The following MDN1 variants were observed in gnomAD, a reference collection of about 807,000 sequenced individuals.
MDN1 encodes the protein midasin.
In MDN1, 266 loss-of-function variants were observed where a neutral mutation model predicts 669.2. That is an observed-to-expected ratio of 0.40 (90% confidence interval 0.36 to 0.44). The LOEUF (loss-of-function observed/expected upper bound fraction) is 0.44. Among genes scored for constraint, MDN1 ranks in the 20% least tolerant of loss-of-function variants. MDN1 has a pLI of 1.00. For synonymous variants in MDN1, 2,385 were observed against 2,457.1 expected, an observed-to-expected ratio of 0.97 and a Z score of 0.87; for missense variants, 5,940 against 6,754.0, an observed-to-expected ratio of 0.88 and a Z score of 4.22.
At position 89,758,900 on chromosome 6, in the gene MDN1, C is replaced by G; in HGVS notation, c.2521G>C (p.Ala841Pro). 1 of 1,613,970 alleles carries G rather than the reference C, an allele frequency of 6.2e-7. No individual in the cohort carries two copies. The highest frequency in any genetic ancestry group is 8.5e-7 in the Non-Finnish European group (1 of 1,179,858). ...EWILLDEINL[A>P]APEILECLSG... ...AGACATTCTAGTATTTCTGGAGCAG[C>G]CAAGTTAATCTCATCCAACAAGATC... is the stretch of plus-strand genomic sequence containing the variant. Residue 841 changes from alanine (A) to proline (P), a missense_variant, in exon 18 of 102, where the codon GCT (alanine) becomes CCT (proline). Physicochemically the swap from Ala to Pro is conservative, Grantham distance 27 (BLOSUM62 -1). Coordinates refer to ENST00000369393, the MANE Select transcript of MDN1 (RefSeq NM_014611.3).
chr6:89,780,128 T>A (rs989027814), intron 11 of MDN1, 84 bp downstream of exon 11: 2 of 717,198 alleles, frequency 2.8e-6, no homozygotes, highest in Non-Finnish European at 4.5e-6. Context: ...AAAAGTCTGA[T>A]GGCAATCAAA....
intron 9 of MDN1, among the ~76,000 whole-genome samples, chr6:89,783,459 G>A (rs962315112): frequency 6.6e-5 from 10 of 152,112 alleles, no homozygotes; most frequent in East Asian, 1.9e-4. Flanking sequence ...AAGACAATAC[G>A]TGCACCGCTG....
At chr6:89,788,855 G>A (rs530536320) in intron 7 of MDN1, among the ~76,000 whole-genome samples, 38 of 152,320 alleles carry the variant, frequency 2.5e-4, no homozygotes, top group African/African-American at 9.1e-4. Flanking sequence ...GCCGGGCGCG[G>A]TGGCTCACGC....
intron 37 of MDN1, among the ~76,000 whole-genome samples, chr6:89,726,625 G>A (rs551364514): frequency 2.0e-4 from 30 of 152,200 alleles, no homozygotes; most frequent in African/African-American, 7.2e-4. Flanking sequence ...AGGATATAAA[G>A]TGAGTTAATA....
At chr6:89,648,786 C>A (rs1808651549) in intron 97 of MDN1, among the ~76,000 whole-genome samples, 2 of 125,240 alleles carry the variant, frequency 1.6e-5, no homozygotes, top group Admixed American at 9.4e-5. Context: ...ACCTGGGCAA[C>A]AGAGTGAAAC....
intron 26 of MDN1, among the ~76,000 whole-genome samples, chr6:89,747,723 C>G (rs1816719620): frequency 6.7e-6 from 1 of 150,200 alleles, no homozygotes; most frequent in African/African-American, 2.5e-5. Context: ...AACCCCGTCT[C>G]TACTAAAAAT....
At position 89,701,869 on chromosome 6, in the gene MDN1, A is replaced by T. The variant is rs190527421; in HGVS notation, c.8306+35T>A. On this transcript the variant is annotated intron_variant, in intron 54 of 101. Transcript: ENST00000369393. ...ATCTTATCCTTAACATCTATCTGTA[A>T]TCATTGACATTATTACTCTAAATAT... 1.4e-5 allele frequency: 23 copies of T among 1,590,572 alleles called. No individual in the cohort carries two copies. In the Admixed American group the frequency reaches 4.2e-4, roughly 29 times the overall value.
Position 89,740,367 on chromosome 6 carries a change from A to G in MDN1, c.4460T>C (p.Val1487Ala). The G allele has an allele frequency of 6.3e-7, 1 of 1,576,644 alleles. No homozygotes were observed. The highest frequency in any genetic ancestry group is 8.5e-7 in the Non-Finnish European group (1 of 1,169,690). Reference sequence around the variant, plus strand: ...TTCAGCTAATACCAGAGACTTTTCTACTTCAAGGACACTAAAAGAAAAATT... The same window carrying G: ...TTCAGCTAATACCAGAGACTTTTCTGCTTCAAGGACACTAAAAGAAAAATT... ...VLERLNSVLE[V>A]EKSLVLAEKG... The change falls in exon 32 of 102, where the codon GTA (valine) becomes GCA (alanine). Residue 1487 changes from valine (V) to alanine (A), a missense_variant. By Grantham distance (64) the Val-to-Ala change is moderately conservative (BLOSUM62 0). Coordinates refer to ENST00000369393, the MANE Select transcript of MDN1 (RefSeq NM_014611.3).
In MDN1 at chr6:89,693,525, C is replaced by G. The variant is rs561106589; in HGVS notation, c.9882-377G>C. On this transcript the variant is annotated intron_variant, in intron 62 of 101. Coordinates refer to ENST00000369393, the MANE Select transcript of MDN1 (RefSeq NM_014611.3). The stretch of plus-strand genomic sequence containing the variant: ...GGACTGGAACTCAGAACCTACTACA[C>G]TATACAGGCTGAGCATCCCAAATCC... 7.2e-5 allele frequency among the ~76,000 whole-genome samples: 11 copies of G among 152,318 alleles called. No individual in the cohort carries two copies. In the South Asian group the frequency reaches 2.1e-3, roughly 29 times the overall value.
Position 89,695,598 on chromosome 6 carries a change from C to A in MDN1, c.9771+7G>T, listed in dbSNP as rs1407474792. 2.2e-5 allele frequency: 35 copies of A among 1,583,118 alleles called. No homozygotes were observed. The highest frequency in any genetic ancestry group is 3.4e-5 in the Admixed American group (2 of 58,628). On this transcript the variant is annotated splice_region_variant and intron_variant, in intron 61 of 101. Transcript: ENST00000369393. This position sits in a 1 kb window ranked among gnomAD's most constrained non-coding sequence, Gnocchi z 4.1. ...GAGCCCATGCTCCATACTCTTGCCTCCCATACCTCTTCCTTGACGTAATTG... is the reference window on the plus strand; with the variant it reads ...GAGCCCATGCTCCATACTCTTGCCTACCATACCTCTTCCTTGACGTAATTG...
chr6:89,756,372 T>C lies in MDN1; in HGVS notation c.2721A>G (p.Val907=), dbSNP rs761407382. 6.4e-7 allele frequency: 1 copy of C among 1,572,114 alleles called. No individual in the cohort carries two copies. Among genetic ancestry groups the C allele is most frequent in the South Asian group, 1.1e-5 (1 of 86,976 alleles). The change falls in exon 20 of 102, where the codon GTA becomes GTG. Residue 907 remains valine, a synonymous_variant. Coordinates refer to ENST00000369393, the MANE Select transcript of MDN1 (RefSeq NM_014611.3). ...AGTCTTCTTTGCTTTCTAATTCTTC[T>C]ACATAAAGTTCTGTGAACCTGTAAA... ...GIRNRFTELY[V]EELESKEDLQ... is the part of the protein sequence containing the mutation.
intron 8 of MDN1, among the ~76,000 whole-genome samples, chr6:89,786,253 G>A (rs1207555222): frequency 2.6e-5 from 4 of 151,702 alleles, no homozygotes; most frequent in Admixed American, 6.6e-5. Context: ...GTGAGACTCG[G>A]TCTCAAAAAA....
intron 63 of MDN1, 103 bp downstream of exon 63, chr6:89,692,340 A>G: frequency 9.9e-7 from 1 of 1,009,240 alleles, no homozygotes; most frequent in Non-Finnish European, 1.4e-6. Flanking sequence ...CCCCAACGAC[A>G]CTGTGTATCT....
intron 33 of MDN1, among the ~76,000 whole-genome samples, chr6:89,736,142 A>T (rs931935537): frequency 6.6e-6 from 1 of 152,226 alleles, no homozygotes; most frequent in African/African-American, 2.4e-5. Context: ...TCTAGAAAAT[A>T]TAACTGCTGT....
chr6:89,753,171 A>C (rs1817045308), intron 22 of MDN1, among the ~76,000 whole-genome samples: 1 of 152,128 alleles, frequency 6.6e-6, no homozygotes, highest in Non-Finnish European at 1.5e-5. Context: ...TTCTTATAAG[A>C]CAGTCCCACT....
intron 35 of MDN1, among the ~76,000 whole-genome samples, chr6:89,729,944 G>A (rs1815487687): frequency 6.6e-6 from 1 of 152,082 alleles, no homozygotes; most frequent in Non-Finnish European, 1.5e-5. Flanking sequence ...ATGGAACCTG[G>A]ACTGGTTATG....
rs1819152850 is a variant in MDN1, at chr6:89,789,788, A to C, written c.1222T>G (p.Leu408Val). The C allele has an allele frequency of 1.2e-6, 2 of 1,607,812 alleles. No homozygotes were observed. The highest frequency in any genetic ancestry group is 4.5e-5 in the East Asian group (2 of 44,800). The change falls in exon 7 of 102, where the codon TTA (leucine) becomes GTA (valine). Residue 408 changes from leucine to valine, a missense_variant. Leu to Val is a conservative substitution (Grantham distance 32). Transcript: ENST00000369393. Reference sequence around the variant, plus strand: ...TTCCTGAGATGACATACCACGTCTAAGGGGGCATAGTCAATATCCTCCAGA... The same window carrying C: ...TTCCTGAGATGACATACCACGTCTACGGGGGCATAGTCAATATCCTCCAGA... ...ILLEDIDYAP[L>V]DVVSVLIPLL...
chr6:89,672,967 T>C (rs550346819), intron 80 of MDN1, among the ~76,000 whole-genome samples: 4 of 152,252 alleles, frequency 2.6e-5, no homozygotes, highest in African/African-American at 9.6e-5. Context: ...AGTCCAAATA[T>C]CAGTGCCAAG....
intron 52 of MDN1, among the ~76,000 whole-genome samples, chr6:89,706,894 A>C (rs1020018995): frequency 3.9e-5 from 6 of 152,052 alleles, no homozygotes; most frequent in African/African-American, 1.4e-4. Context: ...TTCAATTTTT[A>C]TACTTTAATA....
Sources: allele counts gnomAD v4.1 joint callset (sites outside exome capture counted in the v4.1 genomes callset), GRCh38; gene constraint gnomAD v4.1.1; non-coding constraint Gnocchi (gnomAD v3.1); transcripts MANE v1.5; gene names NCBI Gene and HGNC (gene_info 2026-07-23, HGNC 2026-07-21).